The following PRAMEF20 variants were observed in gnomAD, a reference collection of about 807,000 sequenced individuals.
PRAMEF20 encodes PRAME family member 20.
A neutral mutation model predicts 32.4 loss-of-function variants in PRAMEF20; 27 were observed. The ratio of observed to expected loss-of-function variants is 0.83; its 90% CI spans 0.61 to 1.15. The LOEUF (loss-of-function observed/expected upper bound fraction) is 1.15. PRAMEF20 is among the 50% of genes most tolerant of loss of function. The pLI is 0.00. For synonymous variants in PRAMEF20, 256 were observed against 235.4 expected (o/e 1.09, Z -0.80); for missense variants, 604 against 584.5 (o/e 1.03, Z -0.34).
chr1:13,414,261 A>G (rs1488951260), upstream of PRAMEF20, among the ~76,000 whole-genome samples: 3 of 127,670 alleles, frequency 2.3e-5, no homozygotes, highest in African/African-American at 8.8e-5. Flanking sequence ...GGATATCACT[A>G]TGTTTTCCAG....
chr1:13,419,248 G>A (rs1179501017), intron 2 of PRAMEF20, among the ~76,000 whole-genome samples: 2 of 152,074 alleles, frequency 1.3e-5, no homozygotes, highest in Non-Finnish European at 2.9e-5. Context: ...CTGCCTCCTG[G>A]GTTCAAGCAA....
At chr1:13,416,822 G>C (rs1641180425) in intron 1 of PRAMEF20, among the ~76,000 whole-genome samples, 181 bp downstream of exon 2, 1 of 152,202 alleles carries the variant, frequency 6.6e-6, no homozygotes, top group African/African-American at 2.4e-5. Context: ...TCATCACCCG[G>C]GGTCCACCGA....
At chr1:13,418,243 G>T in exon 2 of PRAMEF20, 1 of 1,613,856 alleles carries the variant, frequency 6.2e-7, no homozygotes, top group Non-Finnish European at 8.5e-7. Context: ...ACCACTGCAG[G>T]ACTGTCCAAG....
At chr1:13,417,639 T>TA (rs1641191223) in intron 1 of PRAMEF20, among the ~76,000 whole-genome samples, 1 of 144,112 alleles carries the variant, frequency 6.9e-6, no homozygotes, top group Admixed American at 7.0e-5. Flanking sequence ...GATCCAAGGG[T>TA]AAAACAGGGT....
intron 1 of PRAMEF20, 22 bp from the exon 3 acceptor site, chr1:13,418,100 C>A: frequency 1.9e-6 from 3 of 1,611,848 alleles, no homozygotes; most frequent in South Asian, 2.2e-5. Flanking sequence ...AAATTCTCAG[C>A]CTCTCTTCTA....
At position 13,420,682 on chromosome 1, in the gene PRAMEF20, GCT is replaced by G. The variant is rs1340041097; in HGVS notation, c.867-7_867-6del. On this transcript the variant is annotated splice_polypyrimidine_tract_variant and intron_variant, in intron 2 of 2. Coordinates refer to ENST00000602960, the Ensembl canonical transcript of PRAMEF20. ...TACGATTCCCCAGAACTAACTTCCT[GCT>G]CTCTCTCCCCAGCTGTCTAAAGACC... is the stretch of plus-strand genomic sequence containing the variant. 1.2e-6 allele frequency: 2 copies of G among 1,613,540 alleles called. No individual in the cohort carries two copies. Among genetic ancestry groups the G allele is most frequent in the Non-Finnish European group, 1.7e-6 (2 of 1,179,792 alleles).
At chr1:13,416,564 G>A in exon 1 of PRAMEF20, 1 of 1,614,168 alleles carries the variant, frequency 6.2e-7, no homozygotes, top group Non-Finnish European at 8.5e-7. Flanking sequence ...GGTCTCTGAT[G>A]AAAAGGCCTT....
At position 13,418,606 on chromosome 1, in the gene PRAMEF20, C is replaced by CA. The variant is rs1641209149; in HGVS notation, c.773dup (p.Phe259ValfsTer44). The stretch of plus-strand genomic sequence containing the variant: ...AGAGCAGAAGAAGGAGTTTGTTACC[C>CA]AGTTCACCACTCAGTTCCTCAAGCT... On this transcript the variant is annotated frameshift_variant, in exon 2 of 3. Coordinates refer to ENST00000602960, the Ensembl canonical transcript of PRAMEF20. LOFTEE classifies it high-confidence loss of function. 1.2e-6 allele frequency: 2 copies of CA among 1,613,870 alleles called. No individual in the cohort carries two copies. Among genetic ancestry groups the CA allele is most frequent in the African/African-American group, 2.7e-5 (2 of 74,926 alleles).
upstream of PRAMEF20, among the ~76,000 whole-genome samples, chr1:13,412,031 ATTTTATTT>A: frequency 7.6e-6 from 1 of 131,792 alleles, no homozygotes; most frequent in East Asian, 2.1e-4. Context: ...AATTTAATTT[ATTTTATTT>A]ATTTATTTAT....
intron 1 of PRAMEF20, among the ~76,000 whole-genome samples, chr1:13,417,321 G>T (rs980281375): frequency 3.8e-4 from 58 of 152,044 alleles, no homozygotes; most frequent in Non-Finnish European, 8.8e-5. Flanking sequence ...GCATTTTATA[G>T]AGCGTTGATT....
At chr1:13,419,606 A>C (rs1353369444) in intron 2 of PRAMEF20, among the ~76,000 whole-genome samples, 2 of 151,796 alleles carry the variant, frequency 1.3e-5, no homozygotes, top group African/African-American at 4.8e-5. Flanking sequence ...TGTATTTTTT[A>C]GTACAGATGG....
rs984110027 is a variant in PRAMEF20, at chr1:13,421,009, C to A, written c.1179C>A (p.Thr393=). 10 of 1,613,758 alleles carry A rather than the reference C, an allele frequency of 6.2e-6. No individual in the cohort carries two copies. The Admixed American group carries it at 1.0e-4, about 16-fold the overall frequency. Residue 393 remains threonine (T), a synonymous_variant, in exon 3 of 3, where the codon ACC becomes ACA. Coordinates refer to ENST00000602960, the Ensembl canonical transcript of PRAMEF20. ...GTGGAAATCCCATCTCCACGGCCAC[C>A]CTGGAGAACCTGCTGTGCCACACAA...
chr1:13,420,970 C>G, exon 3 of PRAMEF20: 1 of 1,613,746 alleles, frequency 6.2e-7, no homozygotes, highest in African/African-American at 1.3e-5. Flanking sequence ...TTGAGCTCAC[C>G]ACCTTCAGCT....
upstream of PRAMEF20, among the ~76,000 whole-genome samples, chr1:13,416,016 C>A (rs1052926302): frequency 1.4e-4 from 21 of 150,958 alleles, no homozygotes; most frequent in Admixed American, 6.0e-4. Flanking sequence ...TGTTTTAGAA[C>A]CTTGAGTAAT....
upstream of PRAMEF20, among the ~76,000 whole-genome samples, chr1:13,414,994 T>A (rs1012779204): frequency 3.3e-5 from 5 of 149,916 alleles, no homozygotes; most frequent in Non-Finnish European, 7.4e-5. Context: ...GAGATGAGGT[T>A]TCACCATATT....
In PRAMEF20 at chr1:13,418,713, A is replaced by G. The variant is rs1015090349; in HGVS notation, c.866+13A>G. On this transcript the variant is annotated intron_variant, in intron 2 of 2. Coordinates refer to ENST00000602960, the Ensembl canonical transcript of PRAMEF20. ...ACCAGATGCTCAGGTGAGGAAGGGTAGTGAGCTTTCTCTGCAGACCACAGC... is the reference window on the plus strand; with the variant it reads ...ACCAGATGCTCAGGTGAGGAAGGGTGGTGAGCTTTCTCTGCAGACCACAGC... 1.9e-5 allele frequency: 30 copies of G among 1,612,918 alleles called. 2 individuals carry two copies. The highest frequency in any genetic ancestry group is 1.8e-4 in the South Asian group (16 of 91,046).
upstream of PRAMEF20, chr1:13,416,268 G>C (rs1641168113): frequency 1.2e-6 from 2 of 1,609,716 alleles, no homozygotes; most frequent in East Asian, 4.5e-5. Context: ...TTTGGCCCTG[G>C]GAGATGAGAT....
At position 13,420,801 on chromosome 1, in the gene PRAMEF20, C is replaced by T. The variant is rs930000030; in HGVS notation, c.971C>T (p.Thr324Ile). ...TACCCGAGCATTGGTCAACTAAAGACCCTGGACCTGAGTGGCACCAGACTG... is the reference window on the plus strand; with the variant it reads ...TACCCGAGCATTGGTCAACTAAAGATCCTGGACCTGAGTGGCACCAGACTG... Residue 324 changes from threonine (T) to isoleucine (I), a missense_variant, in exon 3 of 3, where the codon ACC becomes ATC. Thr to Ile is a moderately conservative substitution (Grantham distance 89, BLOSUM62 -1). Coordinates refer to ENST00000602960, the Ensembl canonical transcript of PRAMEF20. 7 of 1,613,802 alleles carry T rather than the reference C, an allele frequency of 4.3e-6. No homozygotes were observed. The African/African-American group carries it at 9.3e-5, about 22-fold the overall frequency.
chr1:13,420,468 C>T (rs1488888632), intron 2 of PRAMEF20, among the ~76,000 whole-genome samples: 1 of 152,158 alleles, frequency 6.6e-6, no homozygotes, highest in East Asian at 1.9e-4. Flanking sequence ...CTCAGCTTCC[C>T]AAAGTTCTGG....
Sources: gnomAD v4.1 joint callset for allele counts (sites outside exome capture counted in the v4.1 genomes callset) on GRCh38, gnomAD v4.1.1 for gene constraint, MANE v1.5 for transcripts, NCBI Gene and HGNC (gene_info 2026-07-23, HGNC 2026-07-21) for gene names.